INPP4B: variants seen among roughly 807,000 people sequenced by gnomAD.
INPP4B encodes the protein inositol polyphosphate-4-phosphatase type II B, also known as inositol polyphosphate 4-phosphatase type II.
A neutral mutation model predicts 122.5 loss-of-function variants in INPP4B; 55 were observed. The observed-to-expected ratio is 0.45, with a 90% CI of 0.36 to 0.56. The LOEUF is 0.56. Ranked by LOEUF, INPP4B falls within the 20% of genes least tolerant of loss-of-function variation. The probability of loss-of-function intolerance (pLI) is 0.00; values close to 1 mark genes in which losing one functional copy is unlikely to be tolerated. For synonymous variants in INPP4B, 403 were observed against 388.7 expected, an observed-to-expected ratio of 1.04 and a Z score of -0.43; for missense variants, 1,000 against 1,097.7, an observed-to-expected ratio of 0.91 and a Z score of 1.26.
chr4:142,253,653 A>C (rs1176707856), intron 11 of INPP4B, among the ~76,000 whole-genome samples: 2 of 152,232 alleles, frequency 1.3e-5, no homozygotes, highest in Non-Finnish European at 2.9e-5. Context: ...CGACGGGCTT[A>C]AAAAACGGCG....
intron 10 of INPP4B, among the ~76,000 whole-genome samples, chr4:142,267,902 G>A (rs767678413): frequency 5.3e-5 from 8 of 151,922 alleles, no homozygotes; most frequent in Non-Finnish European, 8.8e-5. Context: ...AAAAACACTC[G>A]CAAAAGAAGA....
At chr4:142,711,776 G>A (rs991683051) in intron 2 of INPP4B, among the ~76,000 whole-genome samples, 17 of 152,088 alleles carry the variant, frequency 1.1e-4, no homozygotes, top group Admixed American at 4.6e-4. Context: ...GGCTGGGCAC[G>A]GTGGCTCATG....
At chr4:142,439,305 C>T (rs564352520) in intron 3 of INPP4B, among the ~76,000 whole-genome samples, 3 of 152,144 alleles carry the variant, frequency 2.0e-5, no homozygotes, top group Admixed American at 6.5e-5. Flanking sequence ...CTCCCCCTTC[C>T]GTCTCTGTGT....
rs529631137 is a variant in INPP4B, at chr4:142,378,029, T to G, written c.372+24909A>C. Among the ~76,000 whole-genome samples the G allele has an allele frequency of 2.6e-5, 4 of 152,262 alleles. No individual in the cohort carries two copies. In the East Asian group the frequency reaches 7.7e-4, roughly 29 times the overall value. On this transcript the variant is annotated intron_variant, in intron 7 of 25. Coordinates refer to ENST00000262992, the MANE Select transcript of INPP4B (RefSeq NM_001101669.3). Reference sequence around the variant, plus strand: ...AATCCCTGAGTTGAAGAAAAATATCTGTAGTAAATAATGCTGATAATTGCA... The same window carrying G: ...AATCCCTGAGTTGAAGAAAAATATCGGTAGTAAATAATGCTGATAATTGCA...
intron 1 of INPP4B, among the ~76,000 whole-genome samples, chr4:142,750,453 T>C (rs1400517043): frequency 6.6e-6 from 1 of 152,018 alleles, no homozygotes; most frequent in Non-Finnish European, 1.5e-5. Flanking sequence ...GAATGTATGA[T>C]TTTTTTTAAA....
intron 1 of INPP4B, among the ~76,000 whole-genome samples, chr4:142,762,975 C>A (rs900939085): frequency 2.6e-5 from 4 of 152,276 alleles, no homozygotes; most frequent in African/African-American, 9.6e-5. Flanking sequence ...GACACAGCAA[C>A]AGGGCGCCAT....
chr4:142,243,714 T>C (rs1357243314), intron 11 of INPP4B, among the ~76,000 whole-genome samples: 1 of 152,172 alleles, frequency 6.6e-6, no homozygotes, highest in Non-Finnish European at 1.5e-5. Context: ...TGCTTTTGGC[T>C]GGAATTCATC....
chr4:142,840,237 CT>C (rs913777855), intron 1 of INPP4B, among the ~76,000 whole-genome samples: 15 of 151,828 alleles, frequency 9.9e-5, no homozygotes, highest in Non-Finnish European at 1.8e-4. Context: ...GTAATTTGCA[CT>C]TTTTTTGCAT....
chr4:142,173,513 T>A, intron 16 of INPP4B, 119 bp downstream of exon 16: 1 of 818,542 alleles, frequency 1.2e-6, no homozygotes, highest in Non-Finnish European at 1.9e-6. Flanking sequence ...GAAGCTTACT[T>A]TTTAACCTAC....
At chr4:142,163,482 G>A (rs1312615140) in intron 16 of INPP4B, among the ~76,000 whole-genome samples, 2 of 151,796 alleles carry the variant, frequency 1.3e-5, no homozygotes, top group African/African-American at 4.8e-5. Flanking sequence ...ATCTAATCAC[G>A]TAGACATTGT....
chr4:142,554,135 G>A (rs1728579996), intron 2 of INPP4B, among the ~76,000 whole-genome samples: 1 of 147,594 alleles, frequency 6.8e-6, no homozygotes, highest in African/African-American at 2.5e-5. Flanking sequence ...GTTGCAGTGA[G>A]CCGATATTGC....
intron 17 of INPP4B, among the ~76,000 whole-genome samples, chr4:142,149,536 C>A (rs1232223786): frequency 6.6e-6 from 1 of 151,566 alleles, no homozygotes. Context: ...CACAGTAGCA[C>A]AAACTAAGCA....
intron 2 of INPP4B, among the ~76,000 whole-genome samples, chr4:142,569,758 C>T (rs565058567): frequency 2.4e-4 from 37 of 152,136 alleles, no homozygotes; most frequent in Non-Finnish European, 4.7e-4. Flanking sequence ...TGCTTTCTTC[C>T]CTGAAAAGCT....
chr4:142,539,598 C>T (rs1323315350), intron 2 of INPP4B, among the ~76,000 whole-genome samples: 1 of 152,026 alleles, frequency 6.6e-6, no homozygotes, highest in Admixed American at 6.6e-5. Flanking sequence ...AAAACCTTCA[C>T]CAATGTTCAA....
At chr4:142,335,675 CA>C (rs1776334939) in intron 7 of INPP4B, among the ~76,000 whole-genome samples, 1 of 152,216 alleles carries the variant, frequency 6.6e-6, no homozygotes, top group Non-Finnish European at 1.5e-5. Flanking sequence ...AGTCAATCAT[CA>C]AAGGGCAGAA....
rs149216629 is a variant in INPP4B at position 142,262,846 on chromosome 4, C to T, written c.616-2282G>A. On this transcript the variant is annotated intron_variant, in intron 10 of 25. Transcript: ENST00000262992. ...GGTCACTAGCCACTCAAAGACTCCA[C>T]CTTTCCTCTGAGCACTGCTGATAAA... Among the ~76,000 whole-genome samples, 5 of 152,282 alleles carry T rather than the reference C, an allele frequency of 3.3e-5. No individual in the cohort carries two copies. In the East Asian group the frequency reaches 5.8e-4, roughly 18 times the overall value.
At chr4:142,680,342 C>T (rs1265317934) in intron 2 of INPP4B, among the ~76,000 whole-genome samples, 1 of 151,838 alleles carries the variant, frequency 6.6e-6, no homozygotes, top group Non-Finnish European at 1.5e-5. Flanking sequence ...AATCCTATTG[C>T]CCATTCTTAC....
Position 142,023,558 on chromosome 4 carries a change from T to C in INPP4B, c.*5224A>G, listed in dbSNP as rs1408683842. 2 of 152,156 alleles carry C rather than the reference T, an allele frequency of 1.3e-5. No individual in the cohort carries two copies. The highest frequency in any genetic ancestry group is 1.3e-4 in the Admixed American group (2 of 15,264). 9.4% of individuals were successfully genotyped at this position (152,156 alleles called of 1,614,324 possible). On this transcript the variant is annotated 3_prime_UTR_variant, in exon 26 of 26. Transcript: ENST00000262992. ...AATATTTTTAATGTTGATAGTGACA[T>C]AAAAACATCACAAGAATTATCTAGA...
At chr4:142,427,376 T>A (rs1309571616) in intron 5 of INPP4B, 1 of 468,202 alleles carries the variant, frequency 2.1e-6, no homozygotes, top group African/African-American at 2.0e-5. Flanking sequence ...TAGTATATTT[T>A]AAAAATATAT....
Sources: allele counts gnomAD v4.1 joint callset (sites outside exome capture counted in the v4.1 genomes callset), GRCh38; gene constraint gnomAD v4.1.1; transcripts MANE v1.5; gene names NCBI Gene and HGNC (gene_info 2026-07-23, HGNC 2026-07-21).